The following SEMA3D variants were observed in gnomAD, a reference collection of about 807,000 sequenced individuals.
SEMA3D encodes the protein semaphorin 3D.
Under a neutral mutation model 100.1 loss-of-function variants are expected in SEMA3D, and 84 were observed. The observed-to-expected ratio is 0.84, with a 90% CI of 0.70 to 1.01. SEMA3D has a LOEUF of 1.01. Among genes scored for constraint, SEMA3D ranks in the 50% least tolerant of loss-of-function variants. The pLI, the probability that SEMA3D is intolerant of heterozygous loss-of-function variation, is 0.00. For missense variants in SEMA3D, 875 were observed against 934.1 expected (o/e 0.94, Z 0.82); for synonymous variants, 312 against 320.7 (o/e 0.97, Z 0.29).
chr7:85,038,059 AG>A (rs1477635270), intron 11 of SEMA3D, among the ~76,000 whole-genome samples: 1 of 3,746 alleles, frequency 2.7e-4, no homozygotes, highest in Non-Finnish European at 5.3e-4. Flanking sequence ...GGTGGGGGGG[AG>A]GGGGGAGGGA....
At chr7:85,065,238 A>G (rs917445234) in intron 8 of SEMA3D, among the ~76,000 whole-genome samples, 186 bp downstream of exon 8, 3 of 152,202 alleles carry the variant, frequency 2.0e-5, no homozygotes, top group African/African-American at 7.2e-5. Context: ...CTCAATAAAT[A>G]TTATGTATTA....
rs1415705695 is a variant in SEMA3D, at chr7:85,131,318, C to G, written c.-40-9387G>C. On this transcript the variant is annotated intron_variant, in intron 2 of 18. Coordinates refer to ENST00000284136, the MANE Select transcript of SEMA3D (RefSeq NM_001384900.1). ...AAGAAACAAGCAAGCAAATAAATTC[C>G]ATTTGTATAGTTTAAACGGGGAGAA... is the stretch of plus-strand genomic sequence containing the variant. 3.9e-5 allele frequency among the ~76,000 whole-genome samples: 6 copies of G among 151,960 alleles called. No individual in the cohort carries two copies. The East Asian group carries it at 1.2e-3, about 29-fold the overall frequency.
intron 17 of SEMA3D, among the ~76,000 whole-genome samples, chr7:85,008,621 C>T (rs934868308): frequency 1.3e-5 from 2 of 151,710 alleles, no homozygotes. Flanking sequence ...AAGACATTTT[C>T]AGCACAGACA....
At chr7:85,158,528 T>C (rs143087720) in intron 1 of SEMA3D, among the ~76,000 whole-genome samples, 1 of 152,196 alleles carries the variant, frequency 6.6e-6, no homozygotes, top group Non-Finnish European at 1.5e-5. Context: ...TCAATGACAA[T>C]GCCTGCCTGA....
intron 3 of SEMA3D, among the ~76,000 whole-genome samples, chr7:85,103,583 CT>C (rs1347229870): frequency 2.6e-5 from 4 of 151,972 alleles, no homozygotes; most frequent in Non-Finnish European, 5.9e-5. Flanking sequence ...TCCTAAATGA[CT>C]CCTTTGTTTT....
Position 85,028,355 on chromosome 7 carries a change from A to C in SEMA3D, c.1192-5742T>G. 2.1e-5 allele frequency: 12 copies of C among 585,226 alleles called. 1 individual carries two copies. Among genetic ancestry groups the C allele is most frequent in the South Asian group, 2.0e-4 (12 of 58,798 alleles). 36.3% of individuals were successfully genotyped at this position (585,226 alleles called of 1,614,324 possible). On this transcript the variant is annotated intron_variant, in intron 12 of 18. Coordinates refer to ENST00000284136, the MANE Select transcript of SEMA3D (RefSeq NM_001384900.1). ...TGTACTTGGAATTATCAATGTGCCA[A>C]TTGTCGCTGCTATTGCTTACAGTTT...
chr7:85,128,435 T>G (rs1583950657), intron 2 of SEMA3D, among the ~76,000 whole-genome samples: 1 of 151,992 alleles, frequency 6.6e-6, no homozygotes, highest in Admixed American at 6.6e-5. Flanking sequence ...TCCCAAAGTG[T>G]TGGGATTACA....
chr7:85,098,045 GA>G, intron 3 of SEMA3D, 80 bp from the exon 4 acceptor site: 2 of 677,394 alleles, frequency 3.0e-6, no homozygotes, highest in Non-Finnish European at 4.4e-6. Context: ...AAAGAAGAAA[GA>G]AAAAGAAAGG....
intron 15 of SEMA3D, among the ~76,000 whole-genome samples, chr7:85,017,542 T>C (rs1790138829): frequency 6.6e-6 from 1 of 151,790 alleles, no homozygotes; most frequent in Admixed American, 6.6e-5. Flanking sequence ...AAGTCAATTT[T>C]AGCAACACCT....
intron 1 of SEMA3D, among the ~76,000 whole-genome samples, chr7:85,174,018 G>A (rs1161182583): frequency 1.3e-5 from 2 of 152,112 alleles, no homozygotes; most frequent in Non-Finnish European, 2.9e-5. Context: ...CTCAGGTGTC[G>A]AGCCAGGGCT....
chr7:85,215,021 G>C, the SEMA3D span, among the ~76,000 whole-genome samples: 3 of 151,630 alleles, frequency 2.0e-5, no homozygotes, highest in South Asian at 6.3e-4. Context: ...ATCACTGATA[G>C]TTTAGGAGAG....
Position 85,058,796 on chromosome 7 carries a change from A to T in SEMA3D, c.719-2937T>A, listed in dbSNP as rs530899243. ...ACTCTTTGTGGGATCAAATTGTTCT[A>T]TAAATGTGAGATTCGGGTTTCTGAA... On this transcript the variant is annotated intron_variant, in intron 8 of 18. Transcript: ENST00000284136. Among the ~76,000 whole-genome samples, 8 of 151,606 alleles carry T rather than the reference A, an allele frequency of 5.3e-5. No homozygotes were observed. The South Asian group carries it at 1.7e-3, about 32-fold the overall frequency.
intron 2 of SEMA3D, among the ~76,000 whole-genome samples, chr7:85,126,219 T>C (rs2116417745): frequency 6.6e-6 from 1 of 152,262 alleles, no homozygotes; most frequent in East Asian, 1.9e-4. Context: ...TTCATTGATT[T>C]GCTTTATTTA....
At chr7:85,166,243 A>T (rs1027315264) in intron 1 of SEMA3D, among the ~76,000 whole-genome samples, 3 of 151,996 alleles carry the variant, frequency 2.0e-5, no homozygotes, top group African/African-American at 4.8e-5. Flanking sequence ...CACGATGTTG[A>T]TCTTACCAAA....
At chr7:85,098,029 G>A in intron 3 of SEMA3D, 64 bp from the exon 4 acceptor site, 2 of 868,020 alleles carry the variant, frequency 2.3e-6, no homozygotes, top group Admixed American at 3.2e-5. Context: ...GAGAAAGAAA[G>A]GAGAGAAAGA....
the SEMA3D span, among the ~76,000 whole-genome samples, chr7:85,231,435 C>CTTTTTTTTTTTTT: frequency 7.3e-6 from 1 of 137,858 alleles, no homozygotes. Flanking sequence ...CCAATCTTTC[C>CTTTTTTTTTTTTT]CTTTTTTTTT....
intron 2 of SEMA3D, among the ~76,000 whole-genome samples, chr7:85,144,926 TG>T (rs1790159983): frequency 6.6e-6 from 1 of 152,178 alleles, no homozygotes; most frequent in Non-Finnish European, 1.5e-5. Flanking sequence ...AGAGAAATCC[TG>T]GAGCAGCTGG....
At chr7:85,101,545 A>C (rs541501891) in intron 3 of SEMA3D, among the ~76,000 whole-genome samples, 34 of 151,982 alleles carry the variant, frequency 2.2e-4, no homozygotes, top group Non-Finnish European at 4.3e-4. Flanking sequence ...GTGAGGATAA[A>C]ACCGGAAATG....
intron 17 of SEMA3D, among the ~76,000 whole-genome samples, chr7:85,011,379 T>C (rs1789949160): frequency 6.6e-6 from 1 of 151,816 alleles, no homozygotes; most frequent in African/African-American, 2.4e-5. Context: ...GAAAAGACTG[T>C]GTGCAGTGGG....
Sources: allele counts gnomAD v4.1 joint callset (sites outside exome capture counted in the v4.1 genomes callset), GRCh38; gene constraint gnomAD v4.1.1; transcripts MANE v1.5; gene names NCBI Gene and HGNC (gene_info 2026-07-23, HGNC 2026-07-21).